The following TGM4 variants were observed in gnomAD, a reference collection of about 807,000 sequenced individuals.
The protein encoded by TGM4 is protein-glutamine gamma-glutamyltransferase 4.
TGM4 carries 61 observed loss-of-function variants against 76.3 expected under a neutral mutation model. The observed-to-expected ratio is 0.80, with a 90% CI of 0.65 to 0.99. The LOEUF (loss-of-function observed/expected upper bound fraction) is 0.99. TGM4 is among the 50% of genes least tolerant of loss of function. TGM4 has a pLI of 0.00. For synonymous variants in TGM4, 337 were observed against 329.8 expected, an observed-to-expected ratio of 1.02 and a Z score of -0.24; for missense variants, 794 against 843.2, an observed-to-expected ratio of 0.94 and a Z score of 0.72.
At chr3:44,898,430 T>C (rs972120579) in intron 6 of TGM4, among the ~76,000 whole-genome samples, 1 of 152,164 alleles carries the variant, frequency 6.6e-6, no homozygotes, top group African/African-American at 2.4e-5. Context: ...TTTTCATCCT[T>C]TGTACACTTA....
At chr3:44,911,481 A>C in intron 13 of TGM4, 75 bp downstream of exon 13, 1 of 1,548,044 alleles carries the variant, frequency 6.5e-7, no homozygotes, top group Non-Finnish European at 8.8e-7. Context: ...ATTCCTGAGA[A>C]GTGAATTCCC....
intron 9 of TGM4, among the ~76,000 whole-genome samples, chr3:44,905,227 C>T (rs545406714): frequency 6.6e-6 from 1 of 152,008 alleles, no homozygotes; most frequent in African/African-American, 2.4e-5. Context: ...CTCAGGTGAT[C>T]TGCTTGTCTC....
intron 11 of TGM4, 69 bp from the exon 12 acceptor site, chr3:44,910,889 T>G: frequency 1.3e-6 from 2 of 1,527,262 alleles, no homozygotes; most frequent in Non-Finnish European, 1.8e-6. Flanking sequence ...ATTCTGTGCT[T>G]GATGAGGAGA....
At chr3:44,912,497 T>C (rs1700018459) in intron 13 of TGM4, among the ~76,000 whole-genome samples, 1 of 152,212 alleles carries the variant, frequency 6.6e-6, no homozygotes, top group African/African-American at 2.4e-5. Flanking sequence ...ACTTAAATTA[T>C]TGTAGTCCTA....
chr3:44,878,585 C>T (rs1209053814), intron 1 of TGM4, among the ~76,000 whole-genome samples: 2 of 151,570 alleles, frequency 1.3e-5, no homozygotes, highest in African/African-American at 2.4e-5. Context: ...CAGGTTCAAG[C>T]GATTCTCCTA....
At chr3:44,876,932 T>C (rs1277166989) in intron 1 of TGM4, among the ~76,000 whole-genome samples, 4 of 152,098 alleles carry the variant, frequency 2.6e-5, no homozygotes, top group Non-Finnish European at 5.9e-5. Context: ...ATTAGGTAGT[T>C]CAAAGAAAAA....
In TGM4 at chr3:44,906,939, T is replaced by C. The variant is rs745612697; in HGVS notation, c.1076-10T>C. The stretch of plus-strand genomic sequence containing the variant: ...CCCACTGAGAGTGACCACCCCTGGC[T>C]TCCCCTCAGGTGTCTTCTGCTGTGG... On this transcript the variant is annotated splice_polypyrimidine_tract_variant and intron_variant, in intron 9 of 13. Coordinates refer to ENST00000296125, the MANE Select transcript of TGM4 (RefSeq NM_003241.4). 3 of 1,611,652 alleles carry C rather than the reference T, an allele frequency of 1.9e-6. No homozygotes were observed. The highest frequency in any genetic ancestry group is 1.7e-5 in the Admixed American group (1 of 59,998).
At chr3:44,876,322 G>C (rs1699451555) in intron 1 of TGM4, 1 of 152,218 alleles carries the variant, frequency 6.6e-6, no homozygotes, top group South Asian at 2.1e-4. Flanking sequence ...CTTTCTGATG[G>C]GCTTGTGCAA....
chr3:44,885,087 C>A (rs562499473), intron 1 of TGM4, among the ~76,000 whole-genome samples: 3 of 152,208 alleles, frequency 2.0e-5, no homozygotes, highest in Admixed American at 1.3e-4. Flanking sequence ...GCACTTGAGT[C>A]CACTGCTCTC....
chr3:44,904,035 C>T, intron 9 of TGM4, 48 bp downstream of exon 9: 1 of 1,532,586 alleles, frequency 6.5e-7, no homozygotes, highest in Non-Finnish European at 9.0e-7. Context: ...GCTCTCCTTA[C>T]ATGGCCCAGG....
chr3:44,892,364 T>A lies in TGM4; in HGVS notation c.431-1213T>A, dbSNP rs1430615816. On this transcript the variant is annotated intron_variant, in intron 4 of 13. Coordinates refer to ENST00000296125, the MANE Select transcript of TGM4 (RefSeq NM_003241.4). ...CCAGTTTGGTCACTTTTTTTTTAAT[T>A]TTTTTTTTTTTTTTTGAGACGGAGT... is the stretch of plus-strand genomic sequence containing the variant. 4.2e-4 allele frequency among the ~76,000 whole-genome samples: 26 copies of A among 62,602 alleles called. No individual in the cohort carries two copies. In the Admixed American group the frequency reaches 4.9e-3, roughly 12 times the overall value. 41.1% of individuals were successfully genotyped at this position (62,602 alleles called of 152,430 possible). A position where few individuals can be genotyped will look rare whatever the true frequency, so the allele number is the denominator to read the frequency against.
At chr3:44,905,531 G>A (rs1699910661) in intron 9 of TGM4, among the ~76,000 whole-genome samples, 1 of 152,192 alleles carries the variant, frequency 6.6e-6, no homozygotes, top group South Asian at 2.1e-4. Flanking sequence ...TGCCCACAGG[G>A]CCAGAGAGTG....
chr3:44,901,956 C>A, intron 8 of TGM4, 25 bp downstream of exon 8: 2 of 1,604,432 alleles, frequency 1.2e-6, no homozygotes, highest in South Asian at 2.2e-5. Context: ...TCTCAACCTG[C>A]CCTGTCTCCT....
At chr3:44,890,387 C>CA in intron 3 of TGM4, 1 of 552,344 alleles carries the variant, frequency 1.8e-6, no homozygotes, top group South Asian at 2.6e-5. Flanking sequence ...CAAGACGTGC[C>CA]AAAACTTCAT....
chr3:44,911,096 C>T lies in TGM4; in HGVS notation c.1745C>T (p.Thr582Met), dbSNP rs369266664. The T allele has an allele frequency of 1.7e-5, 27 of 1,614,054 alleles. No homozygotes were observed. Among genetic ancestry groups the T allele is most frequent in the South Asian group, 9.9e-5 (9 of 91,088 alleles). The change falls in exon 12 of 14, where the codon ACG becomes ATG. Residue 582 changes from threonine to methionine, a missense_variant. By Grantham distance (81) the Thr-to-Met change is moderately conservative (BLOSUM62 -1). Transcript: ENST00000296125. ...SKEIMASEVFTSFQYPEFSIE... is the reference protein window; with the variant it reads ...SKEIMASEVFMSFQYPEFSIE... ...GAAATCATGGCCTCTGAAGTATTCA[C>T]GTCTTTCCAGTACCCTGAGTTCTCT... is the stretch of plus-strand genomic sequence containing the variant.
chr3:44,880,472 C>T lies in TGM4; in HGVS notation c.20-4853C>T, dbSNP rs533821007. Among the ~76,000 whole-genome samples the T allele has an allele frequency of 2.6e-5, 4 of 152,240 alleles. No homozygotes were observed. The East Asian group carries it at 5.8e-4, about 22-fold the overall frequency. ...CAGGGGCTGTGCTCCCACAAGCACT[C>T]TGGGAAGGAGACTCTCCAGGAGTGC... is the stretch of plus-strand genomic sequence containing the variant. On this transcript the variant is annotated intron_variant, in intron 1 of 13. Transcript: ENST00000296125.
At chr3:44,913,255 G>A (rs1342773588) in intron 13 of TGM4, among the ~76,000 whole-genome samples, 1 of 152,184 alleles carries the variant, frequency 6.6e-6, no homozygotes, top group Non-Finnish European at 1.5e-5. Flanking sequence ...GTTCCTCTTA[G>A]ATTTTATGTA....
chr3:44,893,952 A>ATGGCTCTCTCCCACCCCCCC (rs1559614145), intron 5 of TGM4, among the ~76,000 whole-genome samples: 1 of 22,442 alleles, frequency 4.5e-5, no homozygotes. Context: ...CCCACCCCCC[A>ATGGCTCTCTCCCACCCCCCC]CAGCTCTCTC....
chr3:44,906,142 C>T (rs6766025), intron 9 of TGM4, among the ~76,000 whole-genome samples: 84,808 of 152,062 alleles, frequency 0.56, 24,493 homozygotes, highest in East Asian at 0.89. Context: ...CTCCTGAGTC[C>T]TAGTCCTCCA....
Sources: allele counts gnomAD v4.1 joint callset (sites outside exome capture counted in the v4.1 genomes callset), GRCh38; gene constraint gnomAD v4.1.1; transcripts MANE v1.5; gene names NCBI Gene and HGNC (gene_info 2026-07-23, HGNC 2026-07-21).